Variants in ANKRD66 observed in about 807,000 individuals in gnomAD.
ANKRD66 encodes ankyrin repeat domain-containing protein 66.
In ANKRD66, 10 loss-of-function variants were observed where a neutral mutation model predicts 10.9. That is an observed-to-expected ratio of 0.91 (90% CI 0.56 to 1.55). The LOEUF (loss-of-function observed/expected upper bound fraction) is 1.55, where lower values mean the gene tolerates loss of function less well. ANKRD66 is among the 40% of genes most tolerant of loss of function. The pLI is 0.00. For synonymous variants in ANKRD66, 85 were observed against 88.4 expected (o/e 0.96, Z 0.22); for missense variants, 252 against 242.9 (o/e 1.04, Z -0.25).
intron 4 of ANKRD66, 110 bp from the exon 5 acceptor site, chr6:46,758,613 C>A: frequency 9.1e-7 from 1 of 1,093,824 alleles, no homozygotes. Flanking sequence ...ACTTGGCCTC[C>A]TTCCTTCTCA....
At position 46,758,875 on chromosome 6, in the gene ANKRD66, G is replaced by C; in HGVS notation, c.545G>C (p.Ser182Thr). 1 of 1,551,520 alleles carries C rather than the reference G, an allele frequency of 6.4e-7. No individual in the cohort carries two copies. The highest frequency in any genetic ancestry group is 8.7e-7 in the Non-Finnish European group (1 of 1,146,886). Residue 182 changes from serine (S) to threonine (T), a missense_variant, in exon 5 of 5, where the codon AGT (serine) becomes ACT (threonine). Physicochemically the swap from Ser to Thr is moderately conservative, Grantham distance 58 (BLOSUM62 1). Transcript: ENST00000565422. ...NQNMNKKNKK[S>T]RGPTRPSNTK... The stretch of plus-strand genomic sequence containing the variant: ...AACATGAATAAAAAGAATAAGAAAA[G>C]TCGAGGCCCCACCAGGCCCAGCAAT...
Position 46,753,868 on chromosome 6 carries a change from G to T in ANKRD66, c.310G>T (p.Asp104Tyr), listed in dbSNP as rs527858526. 1 of 1,551,552 alleles carries T rather than the reference G, an allele frequency of 6.4e-7. No individual in the cohort carries two copies. Among genetic ancestry groups the T allele is most frequent in the African/African-American group, 1.4e-5 (1 of 73,030 alleles). The stretch of plus-strand genomic sequence containing the variant: ...TCTCCATGCATTGCACGCTGCCATC[G>T]ACGCCCCTGACTTCTTTGGAGACAC... ...KTLHALHAAI[D>Y]APDFFGDTPK... Residue 104 changes from aspartate (D) to tyrosine (Y), a missense_variant, in exon 4 of 5, where the codon GAC (aspartate) becomes TAC (tyrosine). Asp to Tyr is a radical substitution (Grantham distance 160). Transcript: ENST00000565422.
At chr6:46,755,609 G>A (rs188344074) in intron 4 of ANKRD66, among the ~76,000 whole-genome samples, 1 of 152,140 alleles carries the variant, frequency 6.6e-6, no homozygotes, top group East Asian at 1.9e-4. Flanking sequence ...TTCATTATTC[G>A]TGTGTTCTTT....
chr6:46,750,383 T>C (rs571480224), intron 2 of ANKRD66, among the ~76,000 whole-genome samples: 1 of 152,168 alleles, frequency 6.6e-6, no homozygotes, highest in East Asian at 1.9e-4. Flanking sequence ...AATGACATTT[T>C]ATGAAAATAA....
Position 46,753,955 on chromosome 6 carries a change from GT to G in ANKRD66, c.392+8del, listed in dbSNP as rs775967094. On this transcript the variant is annotated splice_donor_region_variant and intron_variant, in intron 4 of 4. Transcript: ENST00000565422. The stretch of plus-strand genomic sequence containing the variant: ...CTGTGTGGCATTTCTGGAAAAGTAA[GT>G]TTATTTTTTTTCCACCTATAGAAGG... 2.6e-6 allele frequency: 4 copies of G among 1,549,954 alleles called. No homozygotes were observed. The South Asian group carries it at 4.8e-5, about 18-fold the overall frequency.
At chr6:46,755,329 G>T (rs976965577) in intron 4 of ANKRD66, among the ~76,000 whole-genome samples, 3 of 152,114 alleles carry the variant, frequency 2.0e-5, no homozygotes, top group Admixed American at 2.0e-4. Context: ...ACTTTTATCT[G>T]AGCCCTCAGA....
At chr6:46,750,282 T>C (rs2150726252) in intron 2 of ANKRD66, among the ~76,000 whole-genome samples, 1 of 152,328 alleles carries the variant, frequency 6.6e-6, no homozygotes, top group South Asian at 2.1e-4. Flanking sequence ...TGGTTGTCAA[T>C]TTATTCTATT....
At chr6:46,751,844 G>A in intron 2 of ANKRD66, 93 bp from the exon 3 acceptor site, 1 of 1,267,302 alleles carries the variant, frequency 7.9e-7, no homozygotes, top group South Asian at 1.9e-5. Context: ...GCATGCGGCA[G>A]GAAAGGAAAT....
intron 4 of ANKRD66, among the ~76,000 whole-genome samples, chr6:46,754,369 GC>G (rs780277417): frequency 2.0e-5 from 3 of 152,028 alleles, no homozygotes; most frequent in Non-Finnish European, 2.9e-5. Context: ...ATTTTTCAGT[GC>G]CCTCCTATCT....
chr6:46,749,767 C>A (rs1392610115), intron 1 of ANKRD66, 129 bp from the exon 2 acceptor site: 4 of 1,158,160 alleles, frequency 3.5e-6, no homozygotes, highest in African/African-American at 3.2e-5. Context: ...GCATCAGGAC[C>A]CAGCTTAGGC....
At chr6:46,748,474 T>G (rs1766191643) in intron 1 of ANKRD66, among the ~76,000 whole-genome samples, 2 of 152,214 alleles carry the variant, frequency 1.3e-5, no homozygotes, top group Admixed American at 1.3e-4. Flanking sequence ...GGTTTTATTT[T>G]AGTGGCACCC....
chr6:46,749,997 C>T lies in ANKRD66; in HGVS notation c.-13+18C>T, dbSNP rs1353986398. On this transcript the variant is annotated intron_variant, in intron 2 of 4. Transcript: ENST00000565422. ...CAGATTCTGTAAGTCTGGGGCTGAGCACAATAATTTGCATTTCTAACAAGT... is the reference window on the plus strand; with the variant it reads ...CAGATTCTGTAAGTCTGGGGCTGAGTACAATAATTTGCATTTCTAACAAGT... 6 of 1,325,190 alleles carry T rather than the reference C, an allele frequency of 4.5e-6. No individual in the cohort carries two copies. The highest frequency in any genetic ancestry group is 6.4e-6 in the Non-Finnish European group (6 of 941,498). The allele number at this position is 1,325,190 out of a possible 1,614,324, so 82.1% of individuals were successfully genotyped here.
intron 4 of ANKRD66, among the ~76,000 whole-genome samples, chr6:46,754,541 G>A (rs1766342603): frequency 6.6e-6 from 1 of 152,132 alleles, no homozygotes; most frequent in Non-Finnish European, 1.5e-5. Flanking sequence ...ACAAAATTTG[G>A]AAACTTAGAA....
intron 2 of ANKRD66, among the ~76,000 whole-genome samples, chr6:46,750,817 T>C (rs559904457): frequency 1.3e-5 from 2 of 151,722 alleles, no homozygotes; most frequent in African/African-American, 2.4e-5. Context: ...TAAGTTGTAG[T>C]GTCTTAAAGA....
intron 3 of ANKRD66, among the ~76,000 whole-genome samples, chr6:46,752,497 A>T (rs1766293652): frequency 6.6e-6 from 1 of 152,236 alleles, no homozygotes; most frequent in Non-Finnish European, 1.5e-5. Flanking sequence ...AGTCTCCCAA[A>T]GTGCTGGGAT....
chr6:46,752,527 G>A (rs933762973), intron 3 of ANKRD66, among the ~76,000 whole-genome samples: 61 of 152,168 alleles, frequency 4.0e-4, no homozygotes, highest in African/African-American at 1.3e-3. Context: ...GAGCCACCAC[G>A]CCTGGCCCCA....
rs16874995 is a variant in ANKRD66, at chr6:46,755,282, G to A, written c.392+1332G>A. On this transcript the variant is annotated intron_variant, in intron 4 of 4. Coordinates refer to ENST00000565422, the MANE Select transcript of ANKRD66 (RefSeq NM_001162435.3). Reference sequence around the variant, plus strand: ...CTTGTTCAGCTAGAGAAAATCCCACGTCAATATATGGGTATCCTAGCAGTT... The same window carrying A: ...CTTGTTCAGCTAGAGAAAATCCCACATCAATATATGGGTATCCTAGCAGTT... Among the ~76,000 whole-genome samples, 261 of 152,228 alleles carry A rather than the reference G, an allele frequency of 1.7e-3. 7 individuals are homozygous for A. The East Asian group carries it at 0.046, about 27-fold the overall frequency.
chr6:46,752,068 A>T lies in ANKRD66; in HGVS notation c.120A>T (p.Val40=). The T allele has an allele frequency of 1.3e-6, 2 of 1,531,338 alleles. No individual in the cohort carries two copies. Among genetic ancestry groups the T allele is most frequent in the Non-Finnish European group, 1.8e-6 (2 of 1,138,492 alleles). 94.9% of individuals were successfully genotyped at this position (1,531,338 alleles called of 1,614,324 possible). ...KGLCDPNYKD[V]DWNDRTPLHW... ...TCTGTGACCCAAACTACAAAGATGT[A>T]GACTGGAATGACCGGACCCCACTTC... The change falls in exon 3 of 5, where the codon GTA becomes GTT. Residue 40 remains valine (V), a synonymous_variant. Coordinates refer to ENST00000565422, the MANE Select transcript of ANKRD66 (RefSeq NM_001162435.3).
At chr6:46,757,811 C>T (rs1416855636) in intron 4 of ANKRD66, 1 of 152,254 alleles carries the variant, frequency 6.6e-6, no homozygotes, top group Middle Eastern at 3.4e-3. Flanking sequence ...GAGTTAGACA[C>T]TAAAAACAAC....
Sources: gnomAD v4.1 joint callset for allele counts (sites outside exome capture counted in the v4.1 genomes callset) on GRCh38, gnomAD v4.1.1 for gene constraint, MANE v1.5 for transcripts, NCBI Gene and HGNC (gene_info 2026-07-23, HGNC 2026-07-21) for gene names.